ACBD6: variants seen among roughly 807,000 people sequenced by gnomAD.
ACBD6 encodes acyl-CoA-binding domain-containing protein 6.
A neutral mutation model predicts 37.2 loss-of-function variants in ACBD6; 28 were observed. That is an observed-to-expected ratio of 0.75 (90% CI 0.56 to 1.03). The LOEUF is 1.03. ACBD6 is among the 50% of genes least tolerant of loss of function. ACBD6 has a pLI of 0.00. For synonymous variants in ACBD6, 113 were observed against 126.8 expected (o/e 0.89, Z 0.73); for missense variants, 340 against 337.4 (o/e 1.01, Z -0.06).
chr1:180,487,420 A>C (rs1382107828), intron 3 of ACBD6, among the ~76,000 whole-genome samples: 1 of 152,076 alleles, frequency 6.6e-6, no homozygotes, highest in African/African-American at 2.4e-5. Flanking sequence ...CCTCCACTCC[A>C]ACCCACTGCA....
chr1:180,372,647 C>T (rs1384341212), intron 6 of ACBD6, among the ~76,000 whole-genome samples: 1 of 152,150 alleles, frequency 6.6e-6, no homozygotes, highest in Non-Finnish European at 1.5e-5. Flanking sequence ...AGAAGCTCCT[C>T]TGTCATGTAA....
chr1:180,318,491 G>GA (rs1366881879), intron 6 of ACBD6, among the ~76,000 whole-genome samples: 2 of 151,982 alleles, frequency 1.3e-5, no homozygotes, highest in African/African-American at 2.4e-5. Flanking sequence ...TTTTATCTTT[G>GA]AAAAAATCTG....
intron 7 of ACBD6, among the ~76,000 whole-genome samples, chr1:180,300,659 T>C (rs1650095470): frequency 6.6e-6 from 1 of 152,176 alleles, no homozygotes; most frequent in Non-Finnish European, 1.5e-5. Context: ...CTTTCCATGA[T>C]GATTAATATA....
chr1:180,304,504 C>T lies in ACBD6; in HGVS notation c.694+10188G>A, dbSNP rs1372643326. ...ATCATGAGTGAACTCCCATTCACAA[C>T]TGCTTCAAAGAGAATAAAATACCTA... On this transcript the variant is annotated intron_variant, in intron 7 of 7. Coordinates refer to ENST00000367595, the MANE Select transcript of ACBD6 (RefSeq NM_032360.4). Among the ~76,000 whole-genome samples the T allele has an allele frequency of 2.8e-3, 425 of 150,622 alleles. 23 individuals carry two copies. Among genetic ancestry groups the T allele is most frequent in the Non-Finnish European group, 5.3e-3 (354 of 67,406 alleles).
intron 6 of ACBD6, among the ~76,000 whole-genome samples, chr1:180,347,000 A>G (rs1193091175): frequency 6.6e-6 from 1 of 151,028 alleles, no homozygotes; most frequent in Non-Finnish European, 1.5e-5. Context: ...CGGGTGACAG[A>G]GTGAGACCTT....
At chr1:180,374,815 T>C (rs1043977719) in intron 6 of ACBD6, among the ~76,000 whole-genome samples, 3 of 152,158 alleles carry the variant, frequency 2.0e-5, no homozygotes, top group African/African-American at 4.8e-5. Context: ...GTATAGAAAT[T>C]AGAGATCTAA....
intron 3 of ACBD6, among the ~76,000 whole-genome samples, chr1:180,481,617 T>C (rs974399449): frequency 6.6e-6 from 1 of 152,236 alleles, no homozygotes; most frequent in African/African-American, 2.4e-5. Context: ...GAATTGCTAA[T>C]AGCATCCTAC....
chr1:180,463,334 A>T (rs1650222799), intron 3 of ACBD6, among the ~76,000 whole-genome samples: 6 of 152,156 alleles, frequency 3.9e-5, no homozygotes, highest in Admixed American at 3.9e-4. Flanking sequence ...AATAAAAAAG[A>T]AAAAAGATTC....
rs1458913862 is a variant in ACBD6, at chr1:180,413,445, T to A, written c.494A>T (p.Tyr165Phe). 1 of 1,612,670 alleles carries A rather than the reference T, an allele frequency of 6.2e-7. No homozygotes were observed. The highest frequency in any genetic ancestry group is 8.5e-7 in the Non-Finnish European group (1 of 1,179,486). Residue 165 changes from tyrosine (Y) to phenylalanine (F), a missense_variant, in exon 5 of 8, where the codon TAC becomes TTC. Coordinates refer to ENST00000367595, the MANE Select transcript of ACBD6 (RefSeq NM_032360.4). ...ATGGTCAATGTTGTTTTCCCTGCAG[T>A]AATCAAATATATTTTTGTCTTCTTC... Reference protein sequence around the residue: ...IREEDKNIFDYCRENNIDHIT... With the variant: ...IREEDKNIFDFCRENNIDHIT...
At chr1:180,334,522 A>G (rs1056381587) in intron 6 of ACBD6, among the ~76,000 whole-genome samples, 1 of 152,170 alleles carries the variant, frequency 6.6e-6, no homozygotes, top group Non-Finnish European at 1.5e-5. Context: ...CGTCACCATC[A>G]TCAAAGATCA....
intron 13 of ACBD6, chr1:180,272,130 C>G (rs1339894632): frequency 7.2e-6 from 6 of 832,172 alleles, no homozygotes; most frequent in Non-Finnish European, 1.1e-5. Context: ...ACAGGCTTTT[C>G]CTTAAGACTT....
chr1:180,399,663 C>T (rs1043838503), intron 5 of ACBD6, among the ~76,000 whole-genome samples: 3 of 152,144 alleles, frequency 2.0e-5, no homozygotes, highest in African/African-American at 7.2e-5. Flanking sequence ...TTTTGTAGCT[C>T]TAATGTGACC....
downstream of ACBD6, chr1:180,287,306 AG>A (rs1267512033): frequency 1.3e-4 from 20 of 150,822 alleles, no homozygotes; most frequent in African/African-American, 4.2e-4. Context: ...GCTACACAGG[AG>A]GCTGAGGTGG....
chr1:180,350,640 C>T (rs1253113749), intron 6 of ACBD6, among the ~76,000 whole-genome samples: 1 of 152,148 alleles, frequency 6.6e-6, no homozygotes, highest in Non-Finnish European at 1.5e-5. Flanking sequence ...CCATAGTCTG[C>T]CCGAGCTGTT....
chr1:180,281,449 T>C (rs1305229767), intron 8 of ACBD6: 3 of 152,248 alleles, frequency 2.0e-5, no homozygotes, highest in African/African-American at 4.8e-5. Flanking sequence ...TTTTAACTGA[T>C]GGCTAAACTG....
At chr1:180,376,701 G>C (rs1005836215) in intron 6 of ACBD6, among the ~76,000 whole-genome samples, 30 of 152,308 alleles carry the variant, frequency 2.0e-4, no homozygotes, top group Non-Finnish European at 2.2e-4. Context: ...GTTACCTGTA[G>C]GGAGTGGGTG....
At chr1:180,392,649 G>A (rs1445762883) in intron 6 of ACBD6, among the ~76,000 whole-genome samples, 2 of 151,980 alleles carry the variant, frequency 1.3e-5, no homozygotes, top group Non-Finnish European at 2.9e-5. Context: ...TAAAATTCTT[G>A]ACACATAGTA....
intron 6 of ACBD6, among the ~76,000 whole-genome samples, chr1:180,385,768 G>T (rs1187417781): frequency 6.6e-6 from 1 of 152,112 alleles, no homozygotes; most frequent in Non-Finnish European, 1.5e-5. Flanking sequence ...CTTTGATTTA[G>T]AACCTCCAGA....
chr1:180,476,607 C>T (rs1650801772), intron 3 of ACBD6, among the ~76,000 whole-genome samples: 1 of 152,154 alleles, frequency 6.6e-6, no homozygotes, highest in Admixed American at 6.5e-5. Flanking sequence ...AGGCGGATCA[C>T]CTGAGGTCGG....
Sources: allele counts gnomAD v4.1 joint callset (sites outside exome capture counted in the v4.1 genomes callset), GRCh38; gene constraint gnomAD v4.1.1; transcripts MANE v1.5; gene names NCBI Gene and HGNC (gene_info 2026-07-23, HGNC 2026-07-21).